The following CNTNAP2 variants were observed in gnomAD, a reference collection of about 807,000 sequenced individuals.
The protein encoded by CNTNAP2 is contactin associated protein 2.
A neutral mutation model predicts 155.2 loss-of-function variants in CNTNAP2; 98 were observed. The observed-to-expected ratio is 0.63, with a 90% CI of 0.54 to 0.75. The LOEUF is 0.75. Ranked by LOEUF, CNTNAP2 falls within the 30% of genes least tolerant of loss-of-function variation. CNTNAP2 has a pLI of 0.00. For synonymous variants in CNTNAP2, 651 were observed against 631.2 expected (o/e 1.03, Z -0.47); for missense variants, 1,727 against 1,688.1 (o/e 1.02, Z -0.40).
chr7:147,191,624 A>G (rs1802682159), intron 8 of CNTNAP2, among the ~76,000 whole-genome samples: 1 of 152,206 alleles, frequency 6.6e-6, no homozygotes, highest in Admixed American at 6.5e-5. Context: ...TATGGAAGAC[A>G]TTTATATATA....
chr7:146,548,803 T>TG, intron 1 of CNTNAP2, among the ~76,000 whole-genome samples: 1 of 151,176 alleles, frequency 6.6e-6, no homozygotes. Context: ...TCTAGGTTTT[T>TG]TTTTTTTTTT....
intron 22 of CNTNAP2, among the ~76,000 whole-genome samples, chr7:148,390,535 C>T (rs1282380874): frequency 6.6e-6 from 1 of 152,032 alleles, no homozygotes; most frequent in Non-Finnish European, 1.5e-5. Context: ...TCTTGGCAAA[C>T]CAGGGCTACT....
chr7:147,626,853 C>T (rs1355475604), intron 12 of CNTNAP2, among the ~76,000 whole-genome samples: 1 of 152,174 alleles, frequency 6.6e-6, no homozygotes, highest in Non-Finnish European at 1.5e-5. Flanking sequence ...GCTAGCATAA[C>T]CATCATTCAA....
intron 1 of CNTNAP2, among the ~76,000 whole-genome samples, chr7:146,302,791 A>G (rs1231276683): frequency 1.3e-5 from 2 of 152,118 alleles, no homozygotes; most frequent in African/African-American, 4.8e-5. Flanking sequence ...TTACTATGTT[A>G]TTACTTTGCT....
At chr7:148,181,676 C>T (rs539165049) in intron 18 of CNTNAP2, among the ~76,000 whole-genome samples, 2 of 147,032 alleles carry the variant, frequency 1.4e-5, no homozygotes, top group Middle Eastern at 3.8e-3. Flanking sequence ...AAATCTAATA[C>T]AGGACAAAGT....
intron 8 of CNTNAP2, among the ~76,000 whole-genome samples, chr7:147,228,105 A>G (rs138546294): frequency 0.01 from 1,524 of 152,310 alleles, 19 homozygotes; most frequent in Non-Finnish European, 0.017. Context: ...AATAGTCATT[A>G]AGATGAGGAC....
At chr7:147,420,357 G>A (rs528163262) in intron 10 of CNTNAP2, among the ~76,000 whole-genome samples, 1 of 152,274 alleles carries the variant, frequency 6.6e-6, no homozygotes, top group East Asian at 1.9e-4. Context: ...ACCACAATTG[G>A]TGACATTAAA....
At chr7:147,883,849 A>T (rs1174159532) in intron 13 of CNTNAP2, among the ~76,000 whole-genome samples, 1 of 152,210 alleles carries the variant, frequency 6.6e-6, no homozygotes, top group African/African-American at 2.4e-5. Flanking sequence ...CCACCTAACT[A>T]TGGACAGGTG....
chr7:148,380,050 T>C (rs1799019070), intron 21 of CNTNAP2, among the ~76,000 whole-genome samples: 1 of 152,244 alleles, frequency 6.6e-6, no homozygotes, highest in African/African-American at 2.4e-5. Flanking sequence ...CTATTTTCTG[T>C]AATCCATATC....
intron 9 of CNTNAP2, among the ~76,000 whole-genome samples, chr7:147,339,353 C>T (rs1473984845): frequency 6.6e-6 from 1 of 152,006 alleles, no homozygotes; most frequent in Non-Finnish European, 1.5e-5. Flanking sequence ...GATTAGTTCC[C>T]ATAACAGTAG....
intron 1 of CNTNAP2, among the ~76,000 whole-genome samples, chr7:146,246,543 T>C (rs1204376882): frequency 6.6e-6 from 1 of 150,408 alleles, no homozygotes; most frequent in Non-Finnish European, 1.5e-5. Context: ...GCCTCAGTAT[T>C]GATTAAGAAG....
chr7:146,255,405 C>T (rs113294080), intron 1 of CNTNAP2, among the ~76,000 whole-genome samples: 59 of 152,264 alleles, frequency 3.9e-4, no homozygotes, highest in African/African-American at 1.4e-3. Flanking sequence ...TCCGTCAGTA[C>T]CTCATGGGGC....
chr7:147,552,283 T>A (rs1045472004), intron 11 of CNTNAP2, among the ~76,000 whole-genome samples: 19 of 152,170 alleles, frequency 1.2e-4, no homozygotes, highest in African/African-American at 4.6e-4. Context: ...TTTAATGGTT[T>A]ATTTTTTCAT....
intron 2 of CNTNAP2, among the ~76,000 whole-genome samples, chr7:146,807,619 A>T (rs1802991399): frequency 6.6e-6 from 1 of 151,966 alleles, no homozygotes; most frequent in African/African-American, 2.4e-5. Context: ...AATTTTCCTT[A>T]CCTAACCCAC....
intron 8 of CNTNAP2, among the ~76,000 whole-genome samples, chr7:147,295,765 T>G (rs1805430147): frequency 6.6e-6 from 1 of 152,154 alleles, no homozygotes; most frequent in Non-Finnish European, 1.5e-5. Context: ...TGGGGACCCA[T>G]TTTTATCATA....
At chr7:147,158,406 T>C (rs924616905) in intron 8 of CNTNAP2, among the ~76,000 whole-genome samples, 2 of 152,096 alleles carry the variant, frequency 1.3e-5, no homozygotes, top group Admixed American at 6.6e-5. Flanking sequence ...TTTATGATAA[T>C]AGTTCTTCAG....
rs1219022892 is a variant in CNTNAP2 at position 148,365,726 on chromosome 7, ATATATG to A, written c.3476-17919_3476-17914del. Among the ~76,000 whole-genome samples the A allele has an allele frequency of 2.5e-4, 12 of 48,232 alleles. 3 individuals are homozygous for A. The highest frequency in any genetic ancestry group is 5.6e-4 in the African/African-American group (11 of 19,550). 31.6% of individuals were successfully genotyped at this position (48,232 alleles called of 152,430 possible). A position where few individuals can be genotyped will look rare whatever the true frequency, so the allele number is the denominator to read the frequency against. On this transcript the variant is annotated intron_variant, in intron 21 of 23. Coordinates refer to ENST00000361727, the MANE Select transcript of CNTNAP2 (RefSeq NM_014141.6). Reference sequence around the variant, plus strand: ...TACTTTTATATATATGTATACGTGTATATATGTATGTGTATACATGTATACATGTAT... The same window carrying A: ...TACTTTTATATATATGTATACGTGTATATGTGTATACATGTATACATGTAT...
intron 13 of CNTNAP2, among the ~76,000 whole-genome samples, chr7:147,665,447 A>G (rs1795678153): frequency 6.6e-6 from 1 of 152,200 alleles, no homozygotes; most frequent in African/African-American, 2.4e-5. Context: ...TGGTGAATAT[A>G]TATTCTTTTC....
chr7:147,525,656 G>A (rs983548191), intron 11 of CNTNAP2, among the ~76,000 whole-genome samples: 1 of 152,166 alleles, frequency 6.6e-6, no homozygotes, highest in Non-Finnish European at 1.5e-5. Context: ...GTGATTTAAT[G>A]GATTTAATGG....
Sources: gnomAD v4.1 joint callset for allele counts (sites outside exome capture counted in the v4.1 genomes callset) on GRCh38, gnomAD v4.1.1 for gene constraint, MANE v1.5 for transcripts, NCBI Gene and HGNC (gene_info 2026-07-23, HGNC 2026-07-21) for gene names.